CNTNAP5: variants seen among roughly 807,000 people sequenced by gnomAD.
CNTNAP5 encodes contactin-associated protein-like 5.
A neutral mutation model predicts 150.2 loss-of-function variants in CNTNAP5; 72 were observed. The ratio of observed to expected loss-of-function variants is 0.48; its 90% CI spans 0.40 to 0.58. The LOEUF (loss-of-function observed/expected upper bound fraction) is 0.58. Ranked by LOEUF, CNTNAP5 falls within the 20% of genes least tolerant of loss-of-function variation. The probability of loss-of-function intolerance (pLI) is 0.00; values close to 1 mark genes in which losing one functional copy is unlikely to be tolerated. For synonymous variants in CNTNAP5, 672 were observed against 619.8 expected, an observed-to-expected ratio of 1.08 and a Z score of -1.25; for missense variants, 1,636 against 1,626.2, an observed-to-expected ratio of 1.01 and a Z score of -0.10.
intron 11 of CNTNAP5, among the ~76,000 whole-genome samples, chr2:124,565,789 C>T (rs766954346): frequency 3.3e-5 from 5 of 151,884 alleles, no homozygotes; most frequent in South Asian, 2.1e-4. Context: ...TTAGTAGAGA[C>T]GGGGTTTCAC....
intron 10 of CNTNAP5, among the ~76,000 whole-genome samples, chr2:124,555,431 G>C (rs995638517): frequency 6.6e-6 from 1 of 152,138 alleles, no homozygotes; most frequent in African/African-American, 2.4e-5. Context: ...ACAGTTGGCT[G>C]ACCATGAAAC....
intron 19 of CNTNAP5, among the ~76,000 whole-genome samples, chr2:124,847,388 T>C (rs1264984270): frequency 6.6e-6 from 1 of 151,932 alleles, no homozygotes; most frequent in East Asian, 1.9e-4. Flanking sequence ...ACCAGGGAAG[T>C]GGGGGAAAGC....
At chr2:124,859,224 C>A (rs1330657283) in intron 19 of CNTNAP5, among the ~76,000 whole-genome samples, 1 of 152,080 alleles carries the variant, frequency 6.6e-6, no homozygotes, top group African/African-American at 2.4e-5. Context: ...AAAAAACAAA[C>A]AACCCCATCA....
At chr2:124,299,988 A>C (rs1161817284) in intron 3 of CNTNAP5, among the ~76,000 whole-genome samples, 1 of 152,196 alleles carries the variant, frequency 6.6e-6, no homozygotes, top group Non-Finnish European at 1.5e-5. Flanking sequence ...CTCCAATCTC[A>C]ATTCAAGTAT....
rs370574527 is a variant in CNTNAP5, at chr2:124,518,400, C to G, written c.1328-5903C>G. On this transcript the variant is annotated intron_variant, in intron 8 of 23. Coordinates refer to ENST00000682447, the MANE Select transcript of CNTNAP5 (RefSeq NM_001367498.1). ...AGTTGAATTTTCATTTAATTATTTT[C>G]AGAAGCTAGGTGATTCACAAAATAA... Among the ~76,000 whole-genome samples, 186 of 152,190 alleles carry G rather than the reference C, an allele frequency of 1.2e-3. 1 individual carries two copies. Among genetic ancestry groups the G allele is most frequent in the African/African-American group, 4.4e-3 (184 of 41,516 alleles).
Position 124,773,021 on chromosome 2 carries a change from G to A in CNTNAP5, c.2752+4G>A. 6.2e-7 allele frequency: 1 copy of A among 1,611,484 alleles called. No individual in the cohort carries two copies. Among genetic ancestry groups the A allele is most frequent in the Non-Finnish European group, 8.5e-7 (1 of 1,178,770 alleles). ...CTGAACAGCCAGTTGTTTGTAGGTA[G>A]GGGACATCTTAAGGCTCCTTTTGTG... On this transcript the variant is annotated splice_donor_region_variant and intron_variant, in intron 17 of 23. Coordinates refer to ENST00000682447, the MANE Select transcript of CNTNAP5 (RefSeq NM_001367498.1).
At chr2:124,296,427 C>T (rs1301360469) in intron 3 of CNTNAP5, among the ~76,000 whole-genome samples, 1 of 152,220 alleles carries the variant, frequency 6.6e-6, no homozygotes, top group Non-Finnish European at 1.5e-5. Flanking sequence ...GATCTGGTTT[C>T]ATGGCTAAGT....
At chr2:124,692,630 G>A (rs936286944) in intron 13 of CNTNAP5, among the ~76,000 whole-genome samples, 2 of 152,094 alleles carry the variant, frequency 1.3e-5, no homozygotes, top group African/African-American at 4.8e-5. Flanking sequence ...GGACATGAAG[G>A]TTGGTACAAA....
intron 3 of CNTNAP5, among the ~76,000 whole-genome samples, chr2:124,270,112 T>C (rs1269574689): frequency 6.6e-6 from 1 of 152,058 alleles, no homozygotes; most frequent in African/African-American, 2.4e-5. Context: ...GGTCAAGAGT[T>C]CCAGACCAGC....
chr2:124,449,430 C>T (rs760095368), intron 6 of CNTNAP5, among the ~76,000 whole-genome samples: 2 of 151,968 alleles, frequency 1.3e-5, no homozygotes, highest in African/African-American at 2.4e-5. Context: ...GTCATTCCCC[C>T]GACATACTTT....
At chr2:124,697,374 C>A (rs959605602) in intron 13 of CNTNAP5, among the ~76,000 whole-genome samples, 1 of 152,106 alleles carries the variant, frequency 6.6e-6, no homozygotes, top group Non-Finnish European at 1.5e-5. Flanking sequence ...TCCTTAGGCT[C>A]CTCTTGGCTC....
In CNTNAP5 at chr2:124,649,816, G is replaced by A. The variant is rs145845541; in HGVS notation, c.2077+1858G>A. Among the ~76,000 whole-genome samples, 54 of 152,294 alleles carry A rather than the reference G, an allele frequency of 3.5e-4. No homozygotes were observed. The East Asian group carries it at 0.01, about 29-fold the overall frequency. Reference sequence around the variant, plus strand: ...ATTTAGTCTGAACTCCTTGTGCTATGCCTGGTACATAATAGGTATTCAACA... The same window carrying A: ...ATTTAGTCTGAACTCCTTGTGCTATACCTGGTACATAATAGGTATTCAACA... On this transcript the variant is annotated intron_variant, in intron 13 of 23. Coordinates refer to ENST00000682447, the MANE Select transcript of CNTNAP5 (RefSeq NM_001367498.1).
intron 19 of CNTNAP5, among the ~76,000 whole-genome samples, chr2:124,825,096 T>G (rs1466818966): frequency 6.6e-6 from 1 of 152,184 alleles, no homozygotes; most frequent in Non-Finnish European, 1.5e-5. Context: ...CTGATAATTA[T>G]TAGATAAATT....
chr2:124,044,050 A>T (rs565352882), intron 1 of CNTNAP5, among the ~76,000 whole-genome samples: 1 of 152,264 alleles, frequency 6.6e-6, no homozygotes, highest in African/African-American at 2.4e-5. Context: ...TACATCTTTA[A>T]GCCCTGTATT....
chr2:124,364,578 A>G (rs1230409994), intron 3 of CNTNAP5, among the ~76,000 whole-genome samples: 1 of 152,182 alleles, frequency 6.6e-6, no homozygotes, highest in Non-Finnish European at 1.5e-5. Context: ...AAGTGTCTCA[A>G]AGAATGTCTG....
intron 1 of CNTNAP5, among the ~76,000 whole-genome samples, chr2:124,156,344 T>C (rs1167928388): frequency 6.6e-6 from 1 of 152,186 alleles, no homozygotes; most frequent in Non-Finnish European, 1.5e-5. Flanking sequence ...TAAAATTCCC[T>C]TTCAAAGCCT....
chr2:124,550,539 A>G (rs778520835), intron 10 of CNTNAP5, among the ~76,000 whole-genome samples: 4 of 152,170 alleles, frequency 2.6e-5, no homozygotes, highest in Non-Finnish European at 4.4e-5. Flanking sequence ...GATAGCTCCA[A>G]TATTCCAACC....
intron 13 of CNTNAP5, among the ~76,000 whole-genome samples, chr2:124,664,935 C>A (rs1243606949): frequency 1.3e-5 from 2 of 152,198 alleles, no homozygotes; most frequent in African/African-American, 2.4e-5. Flanking sequence ...GATCCACCCG[C>A]CTTGGCCTCC....
chr2:124,548,961 A>T (rs755775135), intron 10 of CNTNAP5, among the ~76,000 whole-genome samples: 1 of 152,176 alleles, frequency 6.6e-6, no homozygotes, highest in Non-Finnish European at 1.5e-5. Flanking sequence ...AGGAGGTCAC[A>T]CTATGCCTCA....
Sources: allele counts gnomAD v4.1 joint callset (sites outside exome capture counted in the v4.1 genomes callset), GRCh38; gene constraint gnomAD v4.1.1; transcripts MANE v1.5; gene names NCBI Gene and HGNC (gene_info 2026-07-23, HGNC 2026-07-21).